NEBL: variants seen among roughly 807,000 people sequenced by gnomAD.
NEBL encodes nebulette.
NEBL carries 122 observed loss-of-function variants against 140.2 expected under a neutral mutation model. That is an observed-to-expected ratio of 0.87 (90% CI 0.75 to 1.01). NEBL has a LOEUF of 1.01. NEBL is among the 50% of genes least tolerant of loss of function. NEBL has a pLI of 0.00. For synonymous variants in NEBL, 436 were observed against 398.9 expected (o/e 1.09, Z -1.11); for missense variants, 1,365 against 1,231.3 (o/e 1.11, Z -1.62).
rs757859244 is a variant in NEBL, at chr10:20,812,901, C to T, written c.2386G>A (p.Gly796Ser). ...HEDFEKTKGR[G>S]FTPVVDDPVT... ...GGATCGTCCACGACGGGAGTAAAGC[C>T]TCTCCCCTTTGTTTTTTCAAAATCT... is the stretch of plus-strand genomic sequence containing the variant. Residue 796 changes from glycine to serine, a missense_variant, in exon 24 of 28, where the codon GGC becomes AGC. Physicochemically the swap from Gly to Ser is moderately conservative, Grantham distance 56. Around this residue, in one of 2 missense-constraint regions of NEBL, gnomAD observed 1,323 missense variants for 1,154.8 expected, o/e 1.15. Coordinates refer to ENST00000377122, the MANE Select transcript of NEBL (RefSeq NM_006393.3). 2.1e-5 allele frequency: 34 copies of T among 1,613,812 alleles called. 2 individuals carry two copies. In the South Asian group the frequency reaches 3.4e-4, roughly 16 times the overall value.
At chr10:21,029,929 T>G (rs2131801692) in intron 2 of NEBL, 1 of 589,648 alleles carries the variant, frequency 1.7e-6, no homozygotes. Flanking sequence ...TGATGGGTCG[T>G]GCAGCTCCAG....
chr10:20,833,567 C>T (rs1169162932), intron 14 of NEBL, among the ~76,000 whole-genome samples: 1 of 152,008 alleles, frequency 6.6e-6, no homozygotes, highest in East Asian at 1.9e-4. Flanking sequence ...AATCAATTTA[C>T]ACTGGATGTG....
chr10:20,858,200 CCA>C lies in NEBL; in HGVS notation c.903+38_903+39del, dbSNP rs758455096. The C allele has an allele frequency of 2.7e-6, 4 of 1,495,194 alleles. No individual in the cohort carries two copies. The African/African-American group carries it at 5.5e-5, about 21-fold the overall frequency. The allele number at this position is 1,495,194 out of a possible 1,614,324, so 92.6% of individuals were successfully genotyped here. A position where few individuals can be genotyped will look rare whatever the true frequency, so the allele number is the denominator to read the frequency against. ...CTGCAGACATATTGGCTTCTTGGAG[CCA>C]CAAGGCAACTACGGTTGCCGCTAGA... is the stretch of plus-strand genomic sequence containing the variant. On this transcript the variant is annotated intron_variant, in intron 9 of 27. Coordinates refer to ENST00000377122, the MANE Select transcript of NEBL (RefSeq NM_006393.3).
rs563907538 is a variant in NEBL, at chr10:21,252,891, G to A, written n.183-1063C>T. 2.0e-5 allele frequency among the ~76,000 whole-genome samples: 3 copies of A among 152,216 alleles called. No homozygotes were observed. The East Asian group carries it at 5.8e-4, about 29-fold the overall frequency. ...AATCACTTGAACCCGGGAGGTGAAG[G>A]CTGTGGTGAGCTAAGATTACACCAC... On this transcript the variant is annotated intron_variant and non_coding_transcript_variant, in intron 1 of 8. Coordinates refer to the NEBL transcript ENST00000675702.
chr10:20,926,019 T>C (rs976265446), intron 4 of NEBL, among the ~76,000 whole-genome samples: 6 of 152,118 alleles, frequency 3.9e-5, no homozygotes, highest in Non-Finnish European at 8.8e-5. Flanking sequence ...CTGCCACCAG[T>C]AAATTGAGAA....
intron 2 of NEBL, among the ~76,000 whole-genome samples, chr10:21,097,708 G>A (rs745662259): frequency 1.2e-4 from 18 of 152,208 alleles, no homozygotes; most frequent in Admixed American, 3.9e-4. Context: ...GATAAGTCTC[G>A]GTCAATTTCT....
At chr10:20,919,876 A>G (rs1833497224) in intron 4 of NEBL, among the ~76,000 whole-genome samples, 1 of 152,200 alleles carries the variant, frequency 6.6e-6, no homozygotes, top group African/African-American at 2.4e-5. Context: ...CAGAAAAAGA[A>G]AACCACCACT....
chr10:21,137,433 A>G (rs1160497126), intron 2 of NEBL, among the ~76,000 whole-genome samples: 2 of 152,126 alleles, frequency 1.3e-5, no homozygotes, highest in Non-Finnish European at 2.9e-5. Flanking sequence ...AACTGAGAAA[A>G]CATCAGTCAG....
intron 3 of NEBL, 26 bp from the exon 4 acceptor site, chr10:20,888,233 A>C (rs781644464): frequency 7.5e-7 from 1 of 1,326,746 alleles, no homozygotes; most frequent in African/African-American, 1.5e-5. Flanking sequence ...ACAGGAAAAA[A>C]ATAAATAAAT....
intron 23 of NEBL, 40 bp from the exon 24 acceptor site, chr10:20,812,980 G>A: frequency 1.3e-6 from 2 of 1,544,206 alleles, no homozygotes; most frequent in Non-Finnish European, 1.8e-6. Context: ...TTTGCGGATA[G>A]TTACCTCTTT....
intron 3 of NEBL, among the ~76,000 whole-genome samples, chr10:20,963,404 C>T (rs1446267114): frequency 6.6e-6 from 1 of 152,070 alleles, no homozygotes; most frequent in Non-Finnish European, 1.5e-5. Context: ...GGAAGAAATG[C>T]CTGTGAGACA....
At chr10:21,159,145 T>A (rs2132148037) in intron 2 of NEBL, among the ~76,000 whole-genome samples, 1 of 152,330 alleles carries the variant, frequency 6.6e-6, no homozygotes, top group Admixed American at 6.5e-5. Flanking sequence ...CCCCTTTCTC[T>A]CTCTGAAATA....
At chr10:21,232,623 T>C (rs767182200) in intron 3 of NEBL, among the ~76,000 whole-genome samples, 3 of 152,124 alleles carry the variant, frequency 2.0e-5, no homozygotes, top group Non-Finnish European at 4.4e-5. Flanking sequence ...CAGTTCACAA[T>C]AGGGTTTGCG....
At chr10:20,944,691 C>T (rs1465711215) in intron 4 of NEBL, among the ~76,000 whole-genome samples, 1 of 152,200 alleles carries the variant, frequency 6.6e-6, no homozygotes, top group Admixed American at 6.5e-5. Context: ...CACCATTGCC[C>T]AATTTACAAA....
chr10:20,795,403 A>G (rs1272192237), intron 26 of NEBL, among the ~76,000 whole-genome samples: 3 of 152,214 alleles, frequency 2.0e-5, no homozygotes, highest in African/African-American at 7.2e-5. Context: ...ATGCTAAAAC[A>G]TCTCTGGAAG....
rs149122869 is a variant in NEBL at position 20,849,758 on chromosome 10, G to T, written c.1116+637C>A. ...TATTCTGTTATAGCAACACAAAATG[G>T]ACTAAAATATAAACTAAAGAGAAAA... On this transcript the variant is annotated intron_variant, in intron 11 of 27. Transcript: ENST00000377122. 2.4e-3 allele frequency among the ~76,000 whole-genome samples: 366 copies of T among 152,154 alleles called. 3 individuals carry two copies. Among genetic ancestry groups the T allele is most frequent in the African/African-American group, 8.3e-3 (344 of 41,504 alleles).
Position 21,080,328 on chromosome 10 carries a change from C to T in NEBL, c.165-60127G>A, listed in dbSNP as rs145907604. On this transcript the variant is annotated intron_variant, in intron 2 of 6. Coordinates refer to the NEBL transcript ENST00000417816. The stretch of plus-strand genomic sequence containing the variant: ...AAATTCCTCTTTTGATATTGCATTC[C>T]GTGCATGAGACATATATTTTTGACT... Among the ~76,000 whole-genome samples, 901 of 152,214 alleles carry T rather than the reference C, an allele frequency of 5.9e-3. 5 individuals carry two copies. The highest frequency in any genetic ancestry group is 0.014 in the African/African-American group (599 of 41,522).
chr10:21,018,470 C>T (rs1409986080), intron 3 of NEBL, among the ~76,000 whole-genome samples: 1 of 152,168 alleles, frequency 6.6e-6, no homozygotes, highest in Non-Finnish European at 1.5e-5. Context: ...TCTCTTTGGC[C>T]AGCACCTCAT....
At position 20,808,613 on chromosome 10, in the gene NEBL, G is replaced by A. The variant is rs1367210165; in HGVS notation, c.2658C>T (p.Ser886=). The change falls in exon 26 of 28, where the codon AGC becomes AGT. Residue 886 remains serine, a synonymous_variant. Coordinates refer to ENST00000377122, the MANE Select transcript of NEBL (RefSeq NM_006393.3). The part of the protein sequence containing the change: ...YRRHWSRSHS[S]STFGTGLGDD... ...CTCCGAGACCTGTACCGAAAGTACT[G>A]CTGGAATGGGATCGAGACCAGTGTC... 1.1e-5 allele frequency: 18 copies of A among 1,613,354 alleles called. No homozygotes were observed. Among genetic ancestry groups the A allele is most frequent in the Non-Finnish European group, 1.5e-5 (18 of 1,179,350 alleles).
Sources: allele counts gnomAD v4.1 joint callset (sites outside exome capture counted in the v4.1 genomes callset), GRCh38; gene constraint gnomAD v4.1.1; regional missense constraint gnomAD v4.1.1; transcripts MANE v1.5; gene names NCBI Gene and HGNC (gene_info 2026-07-23, HGNC 2026-07-21).